The following PLSCR4 variants were observed in gnomAD, a reference collection of about 807,000 sequenced individuals.
The protein encoded by PLSCR4 is Ca(2+)-dependent phospholipid scramblase 4.
A neutral mutation model predicts 36.3 loss-of-function variants in PLSCR4; 25 were observed. That is an observed-to-expected ratio of 0.69 (90% CI 0.50 to 0.96). PLSCR4 has a LOEUF of 0.96. Among genes scored for constraint, PLSCR4 ranks in the 40% least tolerant of loss-of-function variants. PLSCR4 has a pLI of 0.00. For synonymous variants in PLSCR4, 122 were observed against 132.9 expected, an observed-to-expected ratio of 0.92 and a Z score of 0.56; for missense variants, 408 against 414.7, an observed-to-expected ratio of 0.98 and a Z score of 0.14.
intron 3 of PLSCR4, among the ~76,000 whole-genome samples, chr3:146,218,361 TTAA>T (rs1363039045): frequency 6.6e-6 from 1 of 151,864 alleles, no homozygotes; most frequent in Non-Finnish European, 1.5e-5. Flanking sequence ...CTTCAATGAG[TTAA>T]TGATTAATTT....
At chr3:146,245,763 A>G (rs1251374424) in intron 1 of PLSCR4, among the ~76,000 whole-genome samples, 3 of 152,054 alleles carry the variant, frequency 2.0e-5, no homozygotes, top group Non-Finnish European at 4.4e-5. Flanking sequence ...TAAATTATAT[A>G]AACTGAGTTT....
intron 1 of PLSCR4, among the ~76,000 whole-genome samples, chr3:146,245,255 A>C (rs2036293219): frequency 6.6e-6 from 1 of 151,994 alleles, no homozygotes. Flanking sequence ...ACACCCCCTC[A>C]GTTACAGATC....
chr3:146,192,524 A>C lies in PLSCR4; in HGVS notation c.*1887T>G, dbSNP rs1436700219. On this transcript the variant is annotated 3_prime_UTR_variant, in exon 9 of 9. Coordinates refer to ENST00000354952, the MANE Select transcript of PLSCR4 (RefSeq NM_020353.3). ...ACATATGACAATATTATATAAAGAA[A>C]ATTTTAACTCTAAGAGACAAATATA... 1 of 151,552 alleles carries C rather than the reference A, an allele frequency of 6.6e-6. No individual in the cohort carries two copies. The highest frequency in any genetic ancestry group is 1.5e-5 in the Non-Finnish European group (1 of 67,850). 9.4% of individuals were successfully genotyped at this position (151,552 alleles called of 1,614,324 possible). A position where few individuals can be genotyped will look rare whatever the true frequency, so the allele number is the denominator to read the frequency against.
intron 4 of PLSCR4, among the ~76,000 whole-genome samples, chr3:146,204,680 G>T (rs2034224993): frequency 6.6e-6 from 1 of 151,764 alleles, no homozygotes; most frequent in African/African-American, 2.4e-5. Context: ...AATCATAAAA[G>T]AAATTAAGAA....
chr3:146,213,908 G>GTTTTAT (rs370726623), intron 3 of PLSCR4, among the ~76,000 whole-genome samples: 1 of 151,884 alleles, frequency 6.6e-6, no homozygotes, highest in African/African-American at 2.4e-5. Flanking sequence ...AATATGAGGT[G>GTTTTAT]TTTTATTTTT....
At position 146,193,633 on chromosome 3, in the gene PLSCR4, A is replaced by AT. The variant is rs886986842; in HGVS notation, c.*777dup. 1.3e-5 allele frequency: 2 copies of AT among 152,216 alleles called. No homozygotes were observed. Among genetic ancestry groups the AT allele is most frequent in the African/African-American group, 4.8e-5 (2 of 41,454 alleles). 9.4% of individuals were successfully genotyped at this position (152,216 alleles called of 1,614,324 possible). A position where few individuals can be genotyped will look rare whatever the true frequency, so the allele number is the denominator to read the frequency against. ...TATAAATGTATTAAATGCAAGCTTC[A>AT]TATAATGACACCAATGTCTCTAAGT... is the stretch of plus-strand genomic sequence containing the variant. On this transcript the variant is annotated 3_prime_UTR_variant, in exon 9 of 9. Transcript: ENST00000354952.
chr3:146,226,367 T>C (rs2035478683), intron 1 of PLSCR4, among the ~76,000 whole-genome samples: 1 of 152,210 alleles, frequency 6.6e-6, no homozygotes. Context: ...TTTGATTATA[T>C]GTTAAGTTCT....
At chr3:146,233,507 G>T (rs2035800895) in intron 1 of PLSCR4, among the ~76,000 whole-genome samples, 1 of 152,078 alleles carries the variant, frequency 6.6e-6, no homozygotes, top group South Asian at 2.1e-4. Flanking sequence ...ATTTTTTAAA[G>T]GAGCAGCTGG....
chr3:146,208,927 A>G (rs2034481654), intron 3 of PLSCR4, among the ~76,000 whole-genome samples: 1 of 152,240 alleles, frequency 6.6e-6, no homozygotes, highest in East Asian at 1.9e-4. Flanking sequence ...TATCCAGGGG[A>G]AAAGAAGTCA....
intron 1 of PLSCR4, among the ~76,000 whole-genome samples, chr3:146,224,486 C>T (rs1009164673): frequency 2.7e-5 from 4 of 148,822 alleles, no homozygotes; most frequent in Non-Finnish European, 4.4e-5. Context: ...GGAGTTTGTT[C>T]CTTCTTATGT....
chr3:146,196,087 A>T (rs1401470900), intron 7 of PLSCR4, among the ~76,000 whole-genome samples: 1 of 152,196 alleles, frequency 6.6e-6, no homozygotes, highest in East Asian at 1.9e-4. Flanking sequence ...GTAGCCAGTG[A>T]GATAAAGGCA....
At chr3:146,213,198 T>A (rs1003733710) in intron 3 of PLSCR4, among the ~76,000 whole-genome samples, 1 of 152,178 alleles carries the variant, frequency 6.6e-6, no homozygotes, top group African/African-American at 2.4e-5. Flanking sequence ...TCTTGTAACA[T>A]CTATGTCAGA....
At chr3:146,245,196 G>A (rs1047889627) in intron 1 of PLSCR4, among the ~76,000 whole-genome samples, 1 of 152,028 alleles carries the variant, frequency 6.6e-6, no homozygotes, top group Non-Finnish European at 1.5e-5. Context: ...AAAGAAAATG[G>A]AAGCCATTTC....
intron 1 of PLSCR4, among the ~76,000 whole-genome samples, chr3:146,246,220 A>G (rs1360276918): frequency 1.3e-5 from 2 of 152,148 alleles, no homozygotes; most frequent in Non-Finnish European, 2.9e-5. Context: ...ATTTAATTGT[A>G]TCTTTGCATA....
In PLSCR4 at chr3:146,222,866, A is replaced by G. The variant is rs1289104418; in HGVS notation, c.-21-774T>C. On this transcript the variant is annotated intron_variant, in intron 1 of 8. Coordinates refer to ENST00000354952, the MANE Select transcript of PLSCR4 (RefSeq NM_020353.3). ...TCCAGGTGAGAGCTGACACCAGCTT[A>G]GATGGGGGAGGTGACACTGCAGGTT... Among the ~76,000 whole-genome samples, 7 of 152,254 alleles carry G rather than the reference A, an allele frequency of 4.6e-5. No individual in the cohort carries two copies. The East Asian group carries it at 1.2e-3, about 25-fold the overall frequency.
chr3:146,250,462 G>C (rs548983026), intron 1 of PLSCR4: 34 of 152,234 alleles, frequency 2.2e-4, no homozygotes, highest in African/African-American at 7.9e-4. Context: ...AATCGCCCCA[G>C]TTTGCCAGAA....
Position 146,194,448 on chromosome 3 carries a change from A to G in PLSCR4, c.953T>C (p.Met318Thr), listed in dbSNP as rs1576441626. 4 of 1,594,896 alleles carry G rather than the reference A, an allele frequency of 2.5e-6. No individual in the cohort carries two copies. Among genetic ancestry groups the G allele is most frequent in the Non-Finnish European group, 3.4e-6 (4 of 1,162,834 alleles). The change falls in exon 9 of 9, where the codon ATG (methionine) becomes ACG (threonine). Residue 318 changes from methionine to threonine, a missense_variant. By Grantham distance (81) the Met-to-Thr change is moderately conservative. Transcript: ENST00000354952. ...IFGACFLIDFMYFERSPPQRS... is the reference protein window; with the variant it reads ...IFGACFLIDFTYFERSPPQRS... The stretch of plus-strand genomic sequence containing the variant: ...TTGTGGTGGAGATCTTTCAAAATAC[A>G]TGAAGTCCTGAAATTGGAAAAAGAA...
chr3:146,250,311 T>G (rs4475004), intron 1 of PLSCR4, among the ~76,000 whole-genome samples: 106,802 of 152,010 alleles, frequency 0.7, 39,779 homozygotes, highest in Non-Finnish European at 0.82. Context: ...TCTTCACAAG[T>G]ACTTATTTTG....
chr3:146,210,110 T>G (rs2034540577), intron 3 of PLSCR4, among the ~76,000 whole-genome samples: 1 of 152,112 alleles, frequency 6.6e-6, no homozygotes, highest in South Asian at 2.1e-4. Context: ...AAATGATGTC[T>G]AGATTACTTA....
Sources: allele counts gnomAD v4.1 joint callset (sites outside exome capture counted in the v4.1 genomes callset), GRCh38; gene constraint gnomAD v4.1.1; transcripts MANE v1.5; gene names NCBI Gene and HGNC (gene_info 2026-07-23, HGNC 2026-07-21).